Variants in MYH11 observed in about 807,000 individuals in gnomAD.
The protein encoded by MYH11 is myosin heavy chain 11.
A neutral mutation model predicts 246.6 loss-of-function variants in MYH11; 80 were observed. The ratio of observed to expected loss-of-function variants is 0.32; its 90% CI spans 0.27 to 0.39. The LOEUF (loss-of-function observed/expected upper bound fraction) is 0.39, where lower values mean the gene tolerates loss of function less well. Ranked by LOEUF, MYH11 falls within the 10% of genes least tolerant of loss-of-function variation. MYH11 has a pLI of 1.00. For missense variants in MYH11, 2,158 were observed against 2,546.8 expected (o/e 0.85, Z 3.29); for synonymous variants, 1,071 against 1,015.5 (o/e 1.05, Z -1.04).
chr16:15,814,584 A>AG (rs376974172), intron 3 of MYH11, among the ~76,000 whole-genome samples: 1 of 114,512 alleles, frequency 8.7e-6, no homozygotes, highest in Non-Finnish European at 1.9e-5. Flanking sequence ...AAAAAAAAAA[A>AG]GGTACCAAGA....
chr16:15,708,832 G>C (rs1057524493), intron 40 of MYH11: 5 of 1,610,160 alleles, frequency 3.1e-6, no homozygotes, highest in South Asian at 2.2e-5. Flanking sequence ...TTTCCTGTGG[G>C]GGGGGCCCTC....
intron 3 of MYH11, among the ~76,000 whole-genome samples, chr16:15,818,434 A>T (rs1404794361): frequency 3.3e-5 from 5 of 151,746 alleles, no homozygotes; most frequent in Admixed American, 3.3e-4. Flanking sequence ...TTTATTTTTT[A>T]TTTATTTATT....
At chr16:15,845,516 G>C (rs1297403684) in intron 1 of MYH11, among the ~76,000 whole-genome samples, 1 of 152,104 alleles carries the variant, frequency 6.6e-6, no homozygotes, top group Non-Finnish European at 1.5e-5. Flanking sequence ...ACTACTGTTG[G>C]ATGTTTTAAT....
intron 22 of MYH11, 146 bp from the exon 23 acceptor site, chr16:15,740,334 G>T: frequency 2.3e-6 from 3 of 1,282,066 alleles, no homozygotes; most frequent in Non-Finnish European, 3.3e-6. Flanking sequence ...AGGCCTGAGC[G>T]TGGTGGCTCA....
At chr16:15,852,364 C>T (rs1330951890) in intron 1 of MYH11, among the ~76,000 whole-genome samples, 1 of 141,698 alleles carries the variant, frequency 7.1e-6, no homozygotes, top group Admixed American at 7.3e-5. Flanking sequence ...GACCGAGTCT[C>T]ACTCTTTGCC....
At chr16:15,763,738 A>AGCTCGGGCCCCCCCC in intron 10 of MYH11, 58 bp downstream of exon 10, 1 of 717,692 alleles carries the variant, frequency 1.4e-6, no homozygotes. Flanking sequence ...GTTAAATGTC[A>AGCTCGGGCCCCCCCC]CCTCCCCCAC....
chr16:15,774,351 A>G (rs550265936), intron 8 of MYH11, among the ~76,000 whole-genome samples: 2 of 152,358 alleles, frequency 1.3e-5, no homozygotes, highest in Non-Finnish European at 1.5e-5. Flanking sequence ...TTTCTGGAAG[A>G]CCAGAGGCAA....
intron 4 of MYH11, among the ~76,000 whole-genome samples, chr16:15,793,945 C>CTTTTTTTTTTT (rs61625627): frequency 2.8e-5 from 2 of 70,214 alleles, no homozygotes; most frequent in Admixed American, 1.7e-4. Flanking sequence ...CTTTTCTTTT[C>CTTTTTTTTTTT]TTTTTTTTTT....
chr16:15,714,766 G>C, intron 40 of MYH11, 143 bp downstream of exon 40: 1 of 1,086,280 alleles, frequency 9.2e-7, no homozygotes, highest in Non-Finnish European at 1.4e-6. Context: ...TAAGCTTAGT[G>C]ATTAAGGAGA....
intron 28 of MYH11, chr16:15,725,555 TC>T: frequency 2.4e-6 from 1 of 410,258 alleles, no homozygotes. Flanking sequence ...TCTGCATAAG[TC>T]CCTTTGAGGC....
intron 10 of MYH11, among the ~76,000 whole-genome samples, chr16:15,763,092 C>G (rs997491616): frequency 6.6e-6 from 1 of 152,076 alleles, no homozygotes; most frequent in East Asian, 1.9e-4. Flanking sequence ...AACAAGAATA[C>G]TCTTTTGGTA....
intron 2 of MYH11, among the ~76,000 whole-genome samples, chr16:15,835,746 ATT>A (rs386384349): frequency 0.15 from 20,395 of 131,866 alleles, 1,242 homozygotes; most frequent in East Asian, 0.22. Flanking sequence ...AGCTGGTACT[ATT>A]TTTTTTTTTT....
intron 2 of MYH11, among the ~76,000 whole-genome samples, chr16:15,827,155 C>G (rs2043593046): frequency 6.6e-6 from 1 of 152,120 alleles, no homozygotes; most frequent in Non-Finnish European, 1.5e-5. Flanking sequence ...GTGTCAGAGG[C>G]TGGAGATAAA....
chr16:15,790,942 T>A (rs974986529), intron 4 of MYH11: 1 of 148,438 alleles, frequency 6.7e-6, no homozygotes, highest in South Asian at 2.1e-4. Context: ...ACGCTCTGCA[T>A]TTTTTTTCTT....
chr16:15,801,745 T>C (rs943554396), intron 3 of MYH11, among the ~76,000 whole-genome samples: 1 of 151,376 alleles, frequency 6.6e-6, no homozygotes, highest in Non-Finnish European at 1.5e-5. Flanking sequence ...TCACTTGAGG[T>C]CAGGAGTTCA....
At position 15,793,786 on chromosome 16, in the gene MYH11, AT is replaced by A. The variant is rs568647663; in HGVS notation, c.530+4873del. The stretch of plus-strand genomic sequence containing the variant: ...AGGCACCCGCCACCATGCCCGGCTA[AT>A]TTTTTTGTATTTTTTTTAGTAGAGA... On this transcript the variant is annotated intron_variant, in intron 4 of 40. Coordinates refer to ENST00000300036, the MANE Select transcript of MYH11 (RefSeq NM_002474.3). Among the ~76,000 whole-genome samples the A allele has an allele frequency of 6.5e-4, 93 of 143,984 alleles. 2 individuals carry two copies. The South Asian group carries it at 0.019, about 30-fold the overall frequency. 94.5% of individuals were successfully genotyped at this position (143,984 alleles called of 152,430 possible). A position where few individuals can be genotyped will look rare whatever the true frequency, so the allele number is the denominator to read the frequency against.
At chr16:15,798,623 A>C (rs34902941) in intron 4 of MYH11, 37 bp downstream of exon 4, 76 of 1,024,146 alleles carry the variant, frequency 7.4e-5, no homozygotes, top group Non-Finnish European at 8.4e-5. Flanking sequence ...AAAAAAAAAA[A>C]CAAAAAAAAA....
chr16:15,751,459 G>C (rs1042439455), intron 15 of MYH11, among the ~76,000 whole-genome samples: 1 of 149,668 alleles, frequency 6.7e-6, no homozygotes, highest in Non-Finnish European at 1.5e-5. Flanking sequence ...TACCGCGCCC[G>C]GCCATCATCA....
chr16:15,848,140 T>C (rs1188234338), intron 1 of MYH11, among the ~76,000 whole-genome samples: 1 of 152,086 alleles, frequency 6.6e-6, no homozygotes, highest in Non-Finnish European at 1.5e-5. Context: ...TTTGAGAATG[T>C]TTTCCTAAAA....
Sources: gnomAD v4.1 joint callset for allele counts (sites outside exome capture counted in the v4.1 genomes callset) on GRCh38, gnomAD v4.1.1 for gene constraint, MANE v1.5 for transcripts, NCBI Gene and HGNC (gene_info 2026-07-23, HGNC 2026-07-21) for gene names.